The following ANKFN1 variants were observed in gnomAD, a reference collection of about 807,000 sequenced individuals.
The protein encoded by ANKFN1 is ankyrin repeat and fibronectin type III domain containing 1, also known as ankyrin repeat and fibronectin type-III domain-containing protein 1.
In ANKFN1, 74 loss-of-function variants were observed where a neutral mutation model predicts 108.7. The ratio of observed to expected loss-of-function variants is 0.68; its 90% CI spans 0.56 to 0.83. ANKFN1 has a LOEUF of 0.83. Among genes scored for constraint, ANKFN1 ranks in the 40% least tolerant of loss-of-function variants. ANKFN1 has a pLI of 0.00. For missense variants in ANKFN1, 1,505 were observed against 1,382.3 expected (o/e 1.09, Z -1.41); for synonymous variants, 547 against 516.2 (o/e 1.06, Z -0.81).
intron 2 of ANKFN1, chr17:56,215,974 A>T (rs1366856351): frequency 1.3e-5 from 2 of 152,358 alleles, no homozygotes; most frequent in African/African-American, 4.8e-5. Flanking sequence ...GGAGGATAAA[A>T]AGATGAGTAA....
In ANKFN1 at chr17:56,358,905, A is replaced by G. The variant is rs1033369598; in HGVS notation, c.601+4859A>G. Among the ~76,000 whole-genome samples, 14 of 152,052 alleles carry G rather than the reference A, an allele frequency of 9.2e-5. 1 individual carries two copies. Among genetic ancestry groups the G allele is most frequent in the Admixed American group, 6.6e-4 (10 of 15,250 alleles). On this transcript the variant is annotated intron_variant, in intron 6 of 20. Coordinates refer to ENST00000682825, the MANE Select transcript of ANKFN1 (RefSeq NM_001370326.1). Reference sequence around the variant, plus strand: ...ATAAACCCCTCCCTTTTTCTGACTAACTCGTATTCTGCCCCCACCCTCAAA... The same window carrying G: ...ATAAACCCCTCCCTTTTTCTGACTAGCTCGTATTCTGCCCCCACCCTCAAA...
chr17:56,368,152 C>G (rs2046708497), intron 6 of ANKFN1: 1 of 1,350,652 alleles, frequency 7.4e-7, no homozygotes, highest in African/African-American at 1.5e-5. Context: ...TCTGACACCA[C>G]TGACTGATCC....
At chr17:56,078,540 C>T (rs758604886) in intron 4 of ANKFN1, among the ~76,000 whole-genome samples, 1 of 152,152 alleles carries the variant, frequency 6.6e-6, no homozygotes, top group Non-Finnish European at 1.5e-5. Context: ...ATATTTTGCC[C>T]AGAGTTTATA....
At chr17:56,398,040 G>C (rs904243659) in intron 8 of ANKFN1, among the ~76,000 whole-genome samples, 1 of 152,106 alleles carries the variant, frequency 6.6e-6, no homozygotes, top group African/African-American at 2.4e-5. Context: ...TCTTCCTGTT[G>C]TATTCTTTCA....
At chr17:56,262,608 G>T (rs2043543760) in intron 3 of ANKFN1, among the ~76,000 whole-genome samples, 1 of 152,170 alleles carries the variant, frequency 6.6e-6, no homozygotes. Context: ...TTCTTTTGTA[G>T]CATTTGAAAA....
intron 8 of ANKFN1, among the ~76,000 whole-genome samples, chr17:56,389,732 AT>A (rs1050069736): frequency 2.0e-5 from 3 of 152,220 alleles, no homozygotes; most frequent in Non-Finnish European, 4.4e-5. Flanking sequence ...TTCCTGTAAT[AT>A]TTGAAAAGTT....
At chr17:56,380,918 G>C (rs1036636174) in intron 8 of ANKFN1, among the ~76,000 whole-genome samples, 1 of 152,248 alleles carries the variant, frequency 6.6e-6, no homozygotes, top group African/African-American at 2.4e-5. Context: ...CTGTCTGACA[G>C]CTTTGAAGAG....
At chr17:56,220,800 G>A (rs868413035) in intron 2 of ANKFN1, among the ~76,000 whole-genome samples, 178 of 99,100 alleles carry the variant, frequency 1.8e-3, no homozygotes, top group Middle Eastern at 0.01. Flanking sequence ...GGGAGGAAGG[G>A]AGGGAGGGAG....
At chr17:56,343,832 T>C (rs2046026567) in intron 4 of ANKFN1, among the ~76,000 whole-genome samples, 1 of 152,008 alleles carries the variant, frequency 6.6e-6, no homozygotes, top group African/African-American at 2.4e-5. Context: ...TTCTTTCCTC[T>C]GCCTGCTCAA....
intron 20 of ANKFN1, among the ~76,000 whole-genome samples, chr17:56,502,208 C>T (rs2051395147): frequency 6.6e-6 from 1 of 152,166 alleles, no homozygotes. Flanking sequence ...CTCACAGAAC[C>T]TTCCCAGTGT....
intron 8 of ANKFN1, among the ~76,000 whole-genome samples, chr17:56,417,065 G>GT (rs1208207740): frequency 6.6e-6 from 1 of 152,022 alleles, no homozygotes; most frequent in Non-Finnish European, 1.5e-5. Flanking sequence ...GCTGGGAAGG[G>GT]TAGTGGGAGG....
chr17:56,245,706 A>G (rs949487270), intron 3 of ANKFN1: 1 of 152,186 alleles, frequency 6.6e-6, no homozygotes, highest in Non-Finnish European at 1.5e-5. Flanking sequence ...AAAATGAAGA[A>G]GAAACAGAAG....
At chr17:56,367,561 C>G (rs1388973958) in intron 6 of ANKFN1, among the ~76,000 whole-genome samples, 1 of 152,196 alleles carries the variant, frequency 6.6e-6, no homozygotes, top group African/African-American at 2.4e-5. Flanking sequence ...AGCACAGAGC[C>G]TGTTTCAGGA....
At chr17:56,415,260 G>A (rs1027168639) in intron 8 of ANKFN1, among the ~76,000 whole-genome samples, 3 of 152,086 alleles carry the variant, frequency 2.0e-5, no homozygotes, top group Non-Finnish European at 4.4e-5. Context: ...AAGGGAGAAG[G>A]CAAATTATCC....
chr17:56,292,017 G>T (rs1218509756), intron 3 of ANKFN1, among the ~76,000 whole-genome samples: 5 of 152,200 alleles, frequency 3.3e-5, no homozygotes, highest in Non-Finnish European at 7.3e-5. Context: ...ACTGCTGCCA[G>T]TATTTTGTTC....
chr17:56,242,776 G>T (rs1917683275), intron 3 of ANKFN1, among the ~76,000 whole-genome samples: 1 of 152,006 alleles, frequency 6.6e-6, no homozygotes. Flanking sequence ...AAATTTCACA[G>T]TTAGGAATAA....
intron 1 of ANKFN1, among the ~76,000 whole-genome samples, chr17:56,168,704 G>A (rs1473880354): frequency 6.6e-6 from 1 of 152,130 alleles, no homozygotes; most frequent in Non-Finnish European, 1.5e-5. Context: ...AACGCTTTTA[G>A]AATTCACACA....
intron 4 of ANKFN1, among the ~76,000 whole-genome samples, chr17:56,148,340 C>T (rs1443555925): frequency 2.0e-5 from 3 of 152,190 alleles, no homozygotes; most frequent in Admixed American, 1.3e-4. Context: ...TGGGATGATT[C>T]TCCTAATTTT....
chr17:56,153,331 G>A (rs934587313), upstream of ANKFN1: 24 of 659,752 alleles, frequency 3.6e-5, no homozygotes, highest in African/African-American at 4.2e-4. Flanking sequence ...CTCTCCTCTT[G>A]ACCCTGCACT....
Sources: allele counts gnomAD v4.1 joint callset (sites outside exome capture counted in the v4.1 genomes callset), GRCh38; gene constraint gnomAD v4.1.1; transcripts MANE v1.5; gene names NCBI Gene and HGNC (gene_info 2026-07-23, HGNC 2026-07-21).